Variants in RRAS2 observed in about 807,000 individuals in gnomAD.
RRAS2 encodes the protein ras-related protein R-Ras2.
A neutral mutation model predicts 27.6 loss-of-function variants in RRAS2; 7 were observed. The ratio of observed to expected loss-of-function variants is 0.25; its 90% confidence interval spans 0.14 to 0.48. RRAS2 has a LOEUF of 0.48. Among genes scored for constraint, RRAS2 ranks in the 20% least tolerant of loss-of-function variants. The pLI is 0.99. For missense variants in RRAS2, 178 were observed against 256.2 expected, an observed-to-expected ratio of 0.69 and a Z score of 2.08; for synonymous variants, 86 against 90.9, an observed-to-expected ratio of 0.95 and a Z score of 0.31.
In RRAS2 at chr11:14,325,351, G is replaced by A. The variant is rs571087531; in HGVS notation, c.109-29496C>T. Among the ~76,000 whole-genome samples the A allele has an allele frequency of 5.7e-5, 8 of 140,894 alleles. No homozygotes were observed. The South Asian group carries it at 6.6e-4, about 12-fold the overall frequency. 92.4% of individuals were successfully genotyped at this position (140,894 alleles called of 152,430 possible). ...TTTTGAGACAGAGTCTCGCTCTGTC[G>A]CCCACGCTGGAGTGCAGTGGCGCGA... On this transcript the variant is annotated intron_variant, in intron 1 of 5. Coordinates refer to ENST00000256196, the MANE Select transcript of RRAS2 (RefSeq NM_012250.6).
chr11:14,364,432 G>T, exon 1 of RRAS2: 1 of 1,533,946 alleles, frequency 6.5e-7, no homozygotes, highest in Non-Finnish European at 8.7e-7. Context: ...TTCCTTAATG[G>T]GCCATTGCTT....
intron 1 of RRAS2, among the ~76,000 whole-genome samples, chr11:14,309,917 C>G (rs1271992638): frequency 6.6e-6 from 1 of 152,146 alleles, no homozygotes; most frequent in Non-Finnish European, 1.5e-5. Context: ...AAAAGTAATA[C>G]TGGCTGCAGT....
At chr11:14,329,986 G>A (rs1437202502) in intron 1 of RRAS2, among the ~76,000 whole-genome samples, 1 of 152,042 alleles carries the variant, frequency 6.6e-6, no homozygotes, top group African/African-American at 2.4e-5. Flanking sequence ...GAAGCAGATG[G>A]ACTGCTTCAG....
chr11:14,360,591 G>T (rs1849179003), upstream of RRAS2, among the ~76,000 whole-genome samples: 1 of 151,608 alleles, frequency 6.6e-6, no homozygotes, highest in Admixed American at 6.6e-5. Flanking sequence ...AAGAGACAAG[G>T]TCTCTCTATG....
At chr11:14,302,064 C>CCCCACACACACA (rs1847720834) in intron 1 of RRAS2, among the ~76,000 whole-genome samples, 1 of 51,820 alleles carries the variant, frequency 1.9e-5, no homozygotes, top group Non-Finnish European at 4.0e-5. Context: ...AGTAAATGTA[C>CCCCACACACACA]CACACACATA....
intron 1 of RRAS2, among the ~76,000 whole-genome samples, chr11:14,340,023 G>A (rs1848668778): frequency 6.6e-6 from 1 of 151,566 alleles, no homozygotes; most frequent in South Asian, 2.1e-4. Flanking sequence ...GGAGGCTGAG[G>A]TGGGAGGTTT....
intron 4 of RRAS2, among the ~76,000 whole-genome samples, chr11:14,291,846 C>G (rs1847403151): frequency 6.6e-6 from 1 of 152,122 alleles, no homozygotes; most frequent in Non-Finnish European, 1.5e-5. Flanking sequence ...ATGCATGGGA[C>G]CAGAAGTGTT....
chr11:14,329,218 G>T (rs1295569791), intron 1 of RRAS2, among the ~76,000 whole-genome samples: 2 of 151,088 alleles, frequency 1.3e-5, no homozygotes, highest in Admixed American at 6.6e-5. Flanking sequence ...AGGTTCAAGG[G>T]ATTCTCCTGC....
intron 1 of RRAS2, chr11:14,308,466 A>C: frequency 4.6e-6 from 1 of 216,574 alleles, no homozygotes; most frequent in Non-Finnish European, 9.5e-6. Flanking sequence ...GCCCTTCATG[A>C]CCTCTTTAAG....
intron 1 of RRAS2, among the ~76,000 whole-genome samples, chr11:14,354,757 A>C (rs1465836178): frequency 1.4e-5 from 2 of 142,198 alleles, no homozygotes; most frequent in African/African-American, 2.6e-5. Context: ...ACTCACTGCG[A>C]CCTCCACCTC....
In RRAS2 at chr11:14,291,463, T is replaced by A. The variant is rs143563904; in HGVS notation, c.408+3008A>T. Among the ~76,000 whole-genome samples the A allele has an allele frequency of 2.3e-3, 352 of 152,256 alleles. 1 individual carries two copies. The highest frequency in any genetic ancestry group is 3.1e-3 in the Non-Finnish European group (210 of 68,010). ...TATAAATGAGCAGAAAACTAAGCAATCAGATTTCAGGCACTTGCTTTTCTC... is the reference window on the plus strand; with the variant it reads ...TATAAATGAGCAGAAAACTAAGCAAACAGATTTCAGGCACTTGCTTTTCTC... On this transcript the variant is annotated intron_variant, in intron 4 of 5. Transcript: ENST00000256196.
intron 1 of RRAS2, among the ~76,000 whole-genome samples, chr11:14,331,068 C>G (rs1313892220): frequency 1.3e-5 from 2 of 152,138 alleles, no homozygotes; most frequent in Non-Finnish European, 2.9e-5. Context: ...AGGCATGAGC[C>G]ACTGCGCCTG....
chr11:14,325,538 A>C (rs1848335030), intron 1 of RRAS2, among the ~76,000 whole-genome samples: 1 of 152,072 alleles, frequency 6.6e-6, no homozygotes, highest in Non-Finnish European at 1.5e-5. Flanking sequence ...TGACCTCGTG[A>C]TCCTCCCGCC....
intron 1 of RRAS2, among the ~76,000 whole-genome samples, chr11:14,304,326 A>G (rs1261075804): frequency 3.3e-5 from 5 of 152,176 alleles, no homozygotes; most frequent in Non-Finnish European, 5.9e-5. Context: ...AACATACAAC[A>G]TACTAATAGC....
At chr11:14,309,509 A>C (rs1471836248) in intron 1 of RRAS2, among the ~76,000 whole-genome samples, 1 of 152,206 alleles carries the variant, frequency 6.6e-6, no homozygotes, top group Non-Finnish European at 1.5e-5. Flanking sequence ...TCTGAAGAAA[A>C]ATGAAGGGGG....
At chr11:14,301,769 A>T (rs1421065995) in intron 1 of RRAS2, among the ~76,000 whole-genome samples, 1 of 152,150 alleles carries the variant, frequency 6.6e-6, no homozygotes, top group Non-Finnish European at 1.5e-5. Flanking sequence ...ACCTGAGGTC[A>T]GGAGTTCGAG....
intron 1 of RRAS2, among the ~76,000 whole-genome samples, chr11:14,342,373 C>T (rs1313417157): frequency 6.6e-6 from 1 of 152,198 alleles, no homozygotes; most frequent in East Asian, 1.9e-4. Flanking sequence ...GCCTGCATTT[C>T]CTCATCTGTA....
intron 1 of RRAS2, among the ~76,000 whole-genome samples, chr11:14,332,555 TAGATG>T (rs1848501354): frequency 1.3e-5 from 2 of 152,086 alleles, no homozygotes; most frequent in South Asian, 4.2e-4. Context: ...AGCAATATCA[TAGATG>T]AATGTCAAAA....
At chr11:14,350,823 G>A (rs1424240428) in intron 1 of RRAS2, among the ~76,000 whole-genome samples, 1 of 152,214 alleles carries the variant, frequency 6.6e-6, no homozygotes, top group Non-Finnish European at 1.5e-5. Flanking sequence ...AAGCTTGTTT[G>A]AAAGCAAGAC....
Sources: allele counts gnomAD v4.1 joint callset (sites outside exome capture counted in the v4.1 genomes callset), GRCh38; gene constraint gnomAD v4.1.1; transcripts MANE v1.5; gene names NCBI Gene and HGNC (gene_info 2026-07-23, HGNC 2026-07-21).